Variants in SENP7 observed in about 807,000 individuals in gnomAD.
SENP7 encodes the protein SUMO specific peptidase 7.
Under a neutral mutation model 141.2 loss-of-function variants are expected in SENP7, and 64 were observed. The ratio of observed to expected loss-of-function variants is 0.45; its 90% CI spans 0.37 to 0.56. The LOEUF is 0.56. SENP7 is among the 20% of genes least tolerant of loss of function. SENP7 has a pLI of 0.00. For synonymous variants in SENP7, 382 were observed against 426.4 expected, an observed-to-expected ratio of 0.90 and a Z score of 1.28; for missense variants, 1,025 against 1,212.2, an observed-to-expected ratio of 0.85 and a Z score of 2.29.
At chr3:101,494,856 A>G (rs2065102675) in intron 2 of SENP7, among the ~76,000 whole-genome samples, 1 of 152,216 alleles carries the variant, frequency 6.6e-6, no homozygotes, top group Non-Finnish European at 1.5e-5. Flanking sequence ...AAGAAAATCA[A>G]GGCAATACCA....
At chr3:101,454,382 C>T (rs915778923) in intron 4 of SENP7, among the ~76,000 whole-genome samples, 11 of 151,924 alleles carry the variant, frequency 7.2e-5, no homozygotes, top group African/African-American at 2.7e-4. Context: ...CATGGTGGTG[C>T]GTGCCTGTAG....
Position 101,491,775 on chromosome 3 carries a change from C to T in SENP7, c.186+2098G>A, listed in dbSNP as rs377274528. 4.4e-4 allele frequency among the ~76,000 whole-genome samples: 67 copies of T among 152,276 alleles called. No homozygotes were observed. The South Asian group carries it at 0.014, about 32-fold the overall frequency. ...CAAAGAATACTGAGGACAAATCTCTCCTCCAAGAACAAATTTTAGAAATGG... is the reference window on the plus strand; with the variant it reads ...CAAAGAATACTGAGGACAAATCTCTTCTCCAAGAACAAATTTTAGAAATGG... On this transcript the variant is annotated intron_variant, in intron 3 of 23. Coordinates refer to ENST00000394095, the MANE Select transcript of SENP7 (RefSeq NM_020654.5).
At chr3:101,426,098 T>C (rs2061948941) in intron 4 of SENP7, among the ~76,000 whole-genome samples, 1 of 152,154 alleles carries the variant, frequency 6.6e-6, no homozygotes, top group South Asian at 2.1e-4. Context: ...CTGAATATCA[T>C]CCATGAGAAC....
intron 3 of SENP7, among the ~76,000 whole-genome samples, chr3:101,490,269 C>T (rs2064913097): frequency 1.3e-5 from 2 of 149,250 alleles, no homozygotes; most frequent in Non-Finnish European, 3.0e-5. Flanking sequence ...AATATATTCA[C>T]ATAATGGAAT....
At chr3:101,443,149 G>A (rs1207240586) in intron 4 of SENP7, among the ~76,000 whole-genome samples, 2 of 152,268 alleles carry the variant, frequency 1.3e-5, no homozygotes, top group South Asian at 4.2e-4. Context: ...AAGGGATCCA[G>A]TTTCAGCTTT....
intron 6 of SENP7, among the ~76,000 whole-genome samples, chr3:101,383,914 C>G (rs1408705817): frequency 6.6e-6 from 1 of 152,228 alleles, no homozygotes; most frequent in African/African-American, 2.4e-5. Flanking sequence ...CCCAGGCTCC[C>G]AGTTCCGTGG....
intron 2 of SENP7, among the ~76,000 whole-genome samples, chr3:101,496,461 G>A (rs1380349514): frequency 6.6e-6 from 1 of 151,912 alleles, no homozygotes; most frequent in African/African-American, 2.4e-5. Flanking sequence ...TTACTTTGTT[G>A]CCCAGGCTAG....
intron 5 of SENP7, among the ~76,000 whole-genome samples, chr3:101,415,056 A>T (rs377725582): frequency 0.083 from 9,013 of 108,706 alleles, no homozygotes; most frequent in East Asian, 0.12. Context: ...AAGTGTCACC[A>T]CACCATTTTC....
intron 4 of SENP7, chr3:101,458,672 C>T (rs1339860644): frequency 1.0e-5 from 2 of 196,894 alleles, no homozygotes; most frequent in African/African-American, 2.3e-5. Context: ...CCCTTTCTCA[C>T]TGCTGATCGC....
At chr3:101,468,113 T>G (rs1393440163) in intron 3 of SENP7, among the ~76,000 whole-genome samples, 1 of 152,026 alleles carries the variant, frequency 6.6e-6, no homozygotes, top group Non-Finnish European at 1.5e-5. Context: ...TATCAGTGAT[T>G]GAAGATCAGA....
intron 4 of SENP7, among the ~76,000 whole-genome samples, chr3:101,432,953 G>C (rs9835989): frequency 0.4 from 60,339 of 151,908 alleles, 12,494 homozygotes; most frequent in Admixed American, 0.54. Flanking sequence ...CATAGAAAAA[G>C]AAAGAATATC....
chr3:101,344,397 T>C (rs775096320), intron 13 of SENP7, among the ~76,000 whole-genome samples: 1 of 152,228 alleles, frequency 6.6e-6, no homozygotes, highest in Admixed American at 6.5e-5. Context: ...TGCTTATAAA[T>C]GGCTGTTTCT....
Position 101,417,481 on chromosome 3 carries a change from T to G in SENP7, c.482+112A>C, listed in dbSNP as rs533360724. On this transcript the variant is annotated intron_variant, in intron 5 of 23. Transcript: ENST00000394095. ...GATTTGCTTTAGAGTGTGGTATGCC[T>G]ATATATGCAAATCTCCTTTCAGGTC... 27 of 836,178 alleles carry G rather than the reference T, an allele frequency of 3.2e-5. No homozygotes were observed. The South Asian group carries it at 4.2e-4, about 13-fold the overall frequency. The allele number at this position is 836,178 out of a possible 1,614,324, so 51.8% of individuals were successfully genotyped here. A position where few individuals can be genotyped will look rare whatever the true frequency, so the allele number is the denominator to read the frequency against.
chr3:101,496,862 G>A (rs1049005150), intron 2 of SENP7, among the ~76,000 whole-genome samples: 4 of 152,204 alleles, frequency 2.6e-5, no homozygotes, highest in Non-Finnish European at 5.9e-5. Context: ...ATAGGCATGA[G>A]CCAACCCACC....
At chr3:101,502,502 A>T (rs2065425989) in intron 1 of SENP7, among the ~76,000 whole-genome samples, 1 of 151,952 alleles carries the variant, frequency 6.6e-6, no homozygotes, top group Non-Finnish European at 1.5e-5. Context: ...GGGTTTCTCC[A>T]TGTTGGTCAG....
intron 6 of SENP7, among the ~76,000 whole-genome samples, chr3:101,393,685 A>C (rs1371601952): frequency 6.6e-6 from 1 of 152,180 alleles, no homozygotes; most frequent in African/African-American, 2.4e-5. Context: ...AATATAATGA[A>C]TAGAAATTTA....
intron 4 of SENP7, among the ~76,000 whole-genome samples, chr3:101,450,609 G>A (rs2063094351): frequency 6.6e-6 from 1 of 152,202 alleles, no homozygotes; most frequent in Non-Finnish European, 1.5e-5. Flanking sequence ...AGTCCTGAAT[G>A]ACTACTGGGT....
At chr3:101,472,578 C>A (rs930721158) in intron 3 of SENP7, among the ~76,000 whole-genome samples, 1 of 151,942 alleles carries the variant, frequency 6.6e-6, no homozygotes, top group African/African-American at 2.4e-5. Flanking sequence ...TGCAGCAAAC[C>A]AACATGGCAC....
intron 1 of SENP7, among the ~76,000 whole-genome samples, chr3:101,502,800 C>T (rs2065442641): frequency 6.6e-6 from 1 of 151,746 alleles, no homozygotes; most frequent in Non-Finnish European, 1.5e-5. Context: ...CCTGTAGTTC[C>T]AGCTACTCAG....
Sources: allele counts gnomAD v4.1 joint callset (sites outside exome capture counted in the v4.1 genomes callset), GRCh38; gene constraint gnomAD v4.1.1; transcripts MANE v1.5; gene names NCBI Gene and HGNC (gene_info 2026-07-23, HGNC 2026-07-21).